Variants in NDST3 observed in about 807,000 individuals in gnomAD.
NDST3 encodes bifunctional heparan sulfate N-deacetylase/N-sulfotransferase 3.
Under a neutral mutation model 96.1 loss-of-function variants are expected in NDST3, and 58 were observed. The observed-to-expected ratio is 0.60, with a 90% confidence interval of 0.49 to 0.75. The LOEUF is 0.75. NDST3 is among the 30% of genes least tolerant of loss of function. NDST3 has a pLI of 0.00. For missense variants in NDST3, 788 were observed against 1,034.2 expected, an observed-to-expected ratio of 0.76 and a Z score of 3.27; for synonymous variants, 333 against 359.7, an observed-to-expected ratio of 0.93 and a Z score of 0.84.
At chr4:118,084,515 ATCTC>A (rs902824781) in intron 2 of NDST3, among the ~76,000 whole-genome samples, 2 of 152,078 alleles carry the variant, frequency 1.3e-5, no homozygotes, top group Non-Finnish European at 2.9e-5. Flanking sequence ...TGTTTCTGAA[ATCTC>A]TCTCAGGAAC....
chr4:118,105,221 ATCAT>A, intron 3 of NDST3, 116 bp downstream of exon 3: 1 of 669,466 alleles, frequency 1.5e-6, no homozygotes, highest in Non-Finnish European at 2.5e-6. Flanking sequence ...CCAGCATTTT[ATCAT>A]TCAATTCTAT....
chr4:118,214,468 T>C (rs750926931), intron 6 of NDST3, among the ~76,000 whole-genome samples: 1 of 152,192 alleles, frequency 6.6e-6, no homozygotes, highest in Non-Finnish European at 1.5e-5. Context: ...TTTGTGTACA[T>C]TGGGTTAAAT....
Position 118,054,112 on chromosome 4 carries a change from A to G in NDST3, c.202A>G (p.Met68Val). The G allele has an allele frequency of 6.2e-7, 1 of 1,613,032 alleles. No homozygotes were observed. Among genetic ancestry groups the G allele is most frequent in the African/African-American group, 1.3e-5 (1 of 74,958 alleles). ...ATATCAACTAATGGAAGTGAAAGCA[A>G]TGAAGCTTTTTGATGCCTCAAGGAC... ...LPYQLMEVKA[M>V]KLFDASRTDP... Residue 68 changes from methionine to valine, a missense_variant, in exon 2 of 14, where the codon ATG becomes GTG. Met to Val is a conservative substitution (Grantham distance 21, BLOSUM62 1). Coordinates refer to ENST00000296499, the MANE Select transcript of NDST3 (RefSeq NM_004784.3).
At chr4:118,209,509 G>A (rs1738651928) in intron 6 of NDST3, among the ~76,000 whole-genome samples, 1 of 152,176 alleles carries the variant, frequency 6.6e-6, no homozygotes, top group Non-Finnish European at 1.5e-5. Context: ...TAAAGTAATA[G>A]CAATGCATTA....
intron 4 of NDST3, among the ~76,000 whole-genome samples, chr4:118,133,946 A>G (rs1560667713): frequency 6.6e-6 from 1 of 152,216 alleles, no homozygotes; most frequent in Admixed American, 6.5e-5. Flanking sequence ...AAAAAGAGAG[A>G]TATTACATAA....
intron 10 of NDST3, among the ~76,000 whole-genome samples, chr4:118,238,858 T>C (rs1015069361): frequency 6.6e-6 from 1 of 152,086 alleles, no homozygotes; most frequent in African/African-American, 2.4e-5. Context: ...ACCAGAACCA[T>C]GGGGCACTTT....
At chr4:118,191,246 G>A (rs1046876303) in intron 6 of NDST3, among the ~76,000 whole-genome samples, 3 of 152,212 alleles carry the variant, frequency 2.0e-5, no homozygotes, top group South Asian at 2.1e-4. Context: ...TAGATAAGAC[G>A]GCCAGAAAAG....
At chr4:118,149,801 G>C (rs1734247694) in intron 6 of NDST3, among the ~76,000 whole-genome samples, 1 of 152,098 alleles carries the variant, frequency 6.6e-6, no homozygotes, top group South Asian at 2.1e-4. Flanking sequence ...TGTTGAATAG[G>C]AGTGGTGAAA....
At chr4:118,054,935 C>A in intron 2 of NDST3, 44 bp downstream of exon 2, 1 of 1,598,338 alleles carries the variant, frequency 6.3e-7, no homozygotes, top group Non-Finnish European at 8.5e-7. Flanking sequence ...GTTCATCTTC[C>A]AGCAGGGATA....
intron 6 of NDST3, among the ~76,000 whole-genome samples, chr4:118,148,572 T>C: frequency 6.6e-6 from 1 of 152,188 alleles, no homozygotes; most frequent in East Asian, 1.9e-4. Context: ...TGGATGTGAA[T>C]AGAGTGAATA....
At chr4:118,121,232 T>G (rs1731540764) in intron 4 of NDST3, among the ~76,000 whole-genome samples, 1 of 152,196 alleles carries the variant, frequency 6.6e-6, no homozygotes, top group Non-Finnish European at 1.5e-5. Context: ...TTGAACATAT[T>G]AATATGGTTA....
intron 12 of NDST3, among the ~76,000 whole-genome samples, chr4:118,251,520 C>T (rs1407183841): frequency 6.6e-6 from 1 of 152,026 alleles, no homozygotes; most frequent in African/African-American, 2.4e-5. Flanking sequence ...TATAGATATC[C>T]AATTTTTCTT....
chr4:118,138,344 G>T, intron 5 of NDST3, 105 bp downstream of exon 5: 1 of 977,468 alleles, frequency 1.0e-6, no homozygotes, highest in Non-Finnish European at 1.5e-6. Context: ...TGTAGGAAAA[G>T]CTCCATGCTG....
At chr4:118,116,128 A>G (rs897702772) in intron 4 of NDST3, among the ~76,000 whole-genome samples, 2 of 152,234 alleles carry the variant, frequency 1.3e-5, no homozygotes, top group Non-Finnish European at 2.9e-5. Flanking sequence ...TTTGTAATAG[A>G]AAGTGCTAAA....
intron 2 of NDST3, 74 bp downstream of exon 2, chr4:118,054,965 T>A (rs757261321): frequency 1.3e-6 from 2 of 1,558,716 alleles, no homozygotes; most frequent in Non-Finnish European, 1.7e-6. Context: ...CAGTTTGTAC[T>A]ACAACTGGGT....
At chr4:118,180,582 T>C (rs548214261) in intron 6 of NDST3, among the ~76,000 whole-genome samples, 48 of 152,236 alleles carry the variant, frequency 3.2e-4, no homozygotes, top group African/African-American at 1.2e-3. Flanking sequence ...GAGACAAATT[T>C]GGTTAGATAG....
At chr4:118,204,288 T>TA (rs56964722) in intron 6 of NDST3, among the ~76,000 whole-genome samples, 2 of 135,848 alleles carry the variant, frequency 1.5e-5, no homozygotes, top group Admixed American at 7.2e-5. Context: ...ACCATCTGTT[T>TA]AAAAAAAAAA....
chr4:118,098,048 G>T (rs1055742717), intron 2 of NDST3, among the ~76,000 whole-genome samples: 3 of 151,236 alleles, frequency 2.0e-5, no homozygotes, highest in Admixed American at 6.6e-5. Flanking sequence ...AATTACTGTG[G>T]TTTTTTTTAA....
rs1727902491 is a variant in NDST3 at position 118,080,251 on chromosome 4, G to A, written c.982-24767G>A. ...CTCTTCTACAGTTGCTACATCTATG[G>A]TGCCTTTTAGATGTCCAAGTAGAGA... On this transcript the variant is annotated intron_variant, in intron 2 of 13. Coordinates refer to ENST00000296499, the MANE Select transcript of NDST3 (RefSeq NM_004784.3). Among the ~76,000 whole-genome samples, 3 of 152,016 alleles carry A rather than the reference G, an allele frequency of 2.0e-5. No homozygotes were observed. The South Asian group carries it at 6.2e-4, about 32-fold the overall frequency.
Sources: gnomAD v4.1 joint callset for allele counts (sites outside exome capture counted in the v4.1 genomes callset) on GRCh38, gnomAD v4.1.1 for gene constraint, MANE v1.5 for transcripts, NCBI Gene and HGNC (gene_info 2026-07-23, HGNC 2026-07-21) for gene names.